The following RANBP17 variants were observed in gnomAD, a reference collection of about 807,000 sequenced individuals.
RANBP17 encodes ran-binding protein 17.
In RANBP17, 158 loss-of-function variants were observed where a neutral mutation model predicts 141.2. That is an observed-to-expected ratio of 1.12 (90% CI 0.98 to 1.28). RANBP17 has a LOEUF of 1.28. Among genes scored for constraint, RANBP17 ranks in the 50% most tolerant of loss-of-function variants. RANBP17 has a pLI of 0.00. For missense variants in RANBP17, 1,438 were observed against 1,290.7 expected (o/e 1.11, Z -1.75); for synonymous variants, 430 against 450.0 (o/e 0.96, Z 0.56).
At chr5:170,901,158 G>T (rs1455685906) in intron 5 of RANBP17, among the ~76,000 whole-genome samples, 1 of 152,082 alleles carries the variant, frequency 6.6e-6, no homozygotes, top group Non-Finnish European at 1.5e-5. Flanking sequence ...CTCTTTGTAG[G>T]TCTCTAAGAA....
intron 13 of RANBP17, among the ~76,000 whole-genome samples, chr5:170,955,906 C>A (rs1365245698): frequency 2.0e-5 from 3 of 149,358 alleles, no homozygotes; most frequent in Admixed American, 6.7e-5. Context: ...TCAGAAATTT[C>A]TTCTTTACTG....
chr5:170,890,686 G>C (rs1769522935), intron 3 of RANBP17, among the ~76,000 whole-genome samples: 1 of 152,106 alleles, frequency 6.6e-6, no homozygotes, highest in African/African-American at 2.4e-5. Flanking sequence ...AATTCTTCTT[G>C]TAGTTTTCCG....
intron 14 of RANBP17, among the ~76,000 whole-genome samples, chr5:171,128,703 G>A (rs1756678768): frequency 6.6e-6 from 1 of 152,016 alleles, no homozygotes; most frequent in African/African-American, 2.4e-5. Flanking sequence ...TTGAGGTGCT[G>A]GATATCCTAA....
intron 4 of RANBP17, among the ~76,000 whole-genome samples, chr5:170,894,479 G>A (rs964772551): frequency 1.2e-4 from 5 of 42,472 alleles, no homozygotes; most frequent in Non-Finnish European, 2.3e-4. Context: ...TAGTTAGTAC[G>A]TGTTTTTTAT....
In RANBP17 at chr5:171,221,875, T is replaced by G. The variant is rs756958852; in HGVS notation, c.2422+35T>G. The G allele has an allele frequency of 2.6e-6, 3 of 1,136,800 alleles. No individual in the cohort carries two copies. In the South Asian group the frequency reaches 3.9e-5, roughly 15 times the overall value. The allele number at this position is 1,136,800 out of a possible 1,614,324, so 70.4% of individuals were successfully genotyped here. On this transcript the variant is annotated intron_variant, in intron 22 of 27. Coordinates refer to ENST00000523189, the MANE Select transcript of RANBP17 (RefSeq NM_022897.5). ...CTTTTCCATATGTGCCTCTGCAATA[T>G]AGTTTTATCTCTTTAGAGGAAAGAA...
At chr5:171,178,194 C>T (rs1760636225) in intron 16 of RANBP17, among the ~76,000 whole-genome samples, 2 of 145,190 alleles carry the variant, frequency 1.4e-5, no homozygotes, top group Non-Finnish European at 3.0e-5. Flanking sequence ...CGACAGGCCC[C>T]TGACGTGTGA....
At chr5:171,185,191 T>G (rs1761149977) in intron 18 of RANBP17, among the ~76,000 whole-genome samples, 1 of 152,134 alleles carries the variant, frequency 6.6e-6, no homozygotes, top group Non-Finnish European at 1.5e-5. Flanking sequence ...AATAAAATAT[T>G]TTATTGCTAA....
chr5:171,012,779 T>C (rs1305495900), intron 14 of RANBP17, among the ~76,000 whole-genome samples: 1 of 152,208 alleles, frequency 6.6e-6, no homozygotes, highest in Non-Finnish European at 1.5e-5. Flanking sequence ...ACTTGGACTT[T>C]TTCTACAAGT....
At chr5:171,159,936 A>AAAAAAG (rs1759213790) in intron 14 of RANBP17, among the ~76,000 whole-genome samples, 1 of 150,898 alleles carries the variant, frequency 6.6e-6, no homozygotes, top group South Asian at 2.1e-4. Context: ...AAAAAAAAAA[A>AAAAAAG]AAAAAGAAAA....
chr5:171,256,183 G>A (rs1329572182), intron 24 of RANBP17, among the ~76,000 whole-genome samples: 1 of 152,134 alleles, frequency 6.6e-6, no homozygotes, highest in Admixed American at 6.5e-5. Context: ...GGAGCTGAGA[G>A]GCTAAAGCGC....
Position 170,984,694 on chromosome 5 carries a change from A to G in RANBP17, c.1710+16317A>G, listed in dbSNP as rs182392924. On this transcript the variant is annotated intron_variant, in intron 14 of 27. Coordinates refer to ENST00000523189, the MANE Select transcript of RANBP17 (RefSeq NM_022897.5). The stretch of plus-strand genomic sequence containing the variant: ...ATATGTAAATGATCACCTATTTATT[A>G]GGGTATAATTTAAAACGTTAAAACT... 3.9e-3 allele frequency among the ~76,000 whole-genome samples: 591 copies of G among 152,256 alleles called. 4 individuals are homozygous for G. The highest frequency in any genetic ancestry group is 0.014 in the African/African-American group (567 of 41,550).
rs150343898 is a variant in RANBP17 at position 170,896,567 on chromosome 5, C to T, written c.489+452C>T. The stretch of plus-strand genomic sequence containing the variant: ...TTTTTTGACTGGGCCAGGTGGCTCA[C>T]GCCTGTAATGCCAGCACTTTGGGAG... On this transcript the variant is annotated intron_variant, in intron 5 of 27. Coordinates refer to ENST00000523189, the MANE Select transcript of RANBP17 (RefSeq NM_022897.5). Among the ~76,000 whole-genome samples, 171 of 152,266 alleles carry T rather than the reference C, an allele frequency of 1.1e-3. 1 individual carries two copies. Among genetic ancestry groups the T allele is most frequent in the African/African-American group, 3.8e-3 (157 of 41,558 alleles).
At chr5:170,885,114 T>A (rs879077714) in intron 3 of RANBP17, among the ~76,000 whole-genome samples, 2 of 152,204 alleles carry the variant, frequency 1.3e-5, no homozygotes, top group Admixed American at 1.3e-4. Flanking sequence ...TTCCAAAAGA[T>A]TCAGGAATTT....
chr5:171,172,201 A>G (rs2127887182), intron 16 of RANBP17, among the ~76,000 whole-genome samples: 1 of 152,018 alleles, frequency 6.6e-6, no homozygotes, highest in African/African-American at 2.4e-5. Context: ...AAGATTTCCA[A>G]AGTATTAGAC....
In RANBP17 at chr5:171,242,713, C is replaced by T; in HGVS notation, c.2669C>T (p.Pro890Leu). The part of the protein sequence containing the change: ...QYRKLSQSYY[P>L]LLECLTQDHM... ...CGGAAACTGAGCCAGTCTTATTATC[C>T]ACTCCTGGAATGTCTCACTCAGGAC... Residue 890 changes from proline to leucine, a missense_variant, in exon 24 of 28, where the codon CCA becomes CTA. Transcript: ENST00000523189. The T allele has an allele frequency of 6.2e-7, 1 of 1,613,454 alleles. No homozygotes were observed. The highest frequency in any genetic ancestry group is 8.5e-7 in the Non-Finnish European group (1 of 1,179,736).
intron 4 of RANBP17, among the ~76,000 whole-genome samples, chr5:170,893,401 C>T (rs1209890612): frequency 6.6e-6 from 1 of 152,118 alleles, no homozygotes; most frequent in African/African-American, 2.4e-5. Context: ...ATGCCTTGCT[C>T]AGTATGATTC....
chr5:171,191,686 CAA>C (rs200060268), intron 18 of RANBP17, among the ~76,000 whole-genome samples: 9 of 128,252 alleles, frequency 7.0e-5, no homozygotes, highest in Non-Finnish European at 5.1e-5. Flanking sequence ...GACTCCGTCT[CAA>C]AAAAAAAAAA....
intron 3 of RANBP17, among the ~76,000 whole-genome samples, chr5:170,884,912 T>TCTC (rs58860240): frequency 0.6 from 91,045 of 151,544 alleles, 29,041 homozygotes; most frequent in South Asian, 0.89. Flanking sequence ...CATAAAATCA[T>TCTC]CTGTAAATTC....
At chr5:170,958,017 T>C (rs1239686506) in intron 13 of RANBP17, among the ~76,000 whole-genome samples, 4 of 152,198 alleles carry the variant, frequency 2.6e-5, no homozygotes, top group Non-Finnish European at 5.9e-5. Flanking sequence ...CCATGAATAA[T>C]GAGAACCAAC....
Sources: allele counts gnomAD v4.1 joint callset (sites outside exome capture counted in the v4.1 genomes callset), GRCh38; gene constraint gnomAD v4.1.1; transcripts MANE v1.5; gene names NCBI Gene and HGNC (gene_info 2026-07-23, HGNC 2026-07-21).